The following PRSS12 variants were observed in gnomAD, a reference collection of about 807,000 sequenced individuals.
PRSS12 encodes neurotrypsin.
PRSS12 carries 85 observed loss-of-function variants against 104.4 expected under a neutral mutation model. The observed-to-expected ratio is 0.81, with a 90% CI of 0.68 to 0.98. The LOEUF is 0.98. PRSS12 is among the 50% of genes least tolerant of loss of function. The pLI is 0.00. For missense variants in PRSS12, 1,141 were observed against 1,139.2 expected, an observed-to-expected ratio of 1.00 and a Z score of -0.02; for synonymous variants, 454 against 425.2, an observed-to-expected ratio of 1.07 and a Z score of -0.83.
At chr4:118,304,536 A>T (rs1345638203) in intron 8 of PRSS12, among the ~76,000 whole-genome samples, 1 of 152,010 alleles carries the variant, frequency 6.6e-6, no homozygotes, top group East Asian at 1.9e-4. Flanking sequence ...TACAATTTTT[A>T]AAATTTTTTT....
chr4:118,344,965 G>T (rs1724321127), intron 1 of PRSS12, among the ~76,000 whole-genome samples: 1 of 152,116 alleles, frequency 6.6e-6, no homozygotes, highest in South Asian at 2.1e-4. Context: ...TGATGAAATT[G>T]AAACCAAACA....
In PRSS12 at chr4:118,281,044, A is replaced by T. The variant is rs1168516190; in HGVS notation, c.*892T>A. 1.3e-5 allele frequency: 2 copies of T among 152,238 alleles called. No homozygotes were observed. The highest frequency in any genetic ancestry group is 2.4e-5 in the African/African-American group (1 of 41,430). 9.4% of individuals were successfully genotyped at this position (152,238 alleles called of 1,614,324 possible). On this transcript the variant is annotated 3_prime_UTR_variant, in exon 13 of 13. Coordinates refer to ENST00000296498, the MANE Select transcript of PRSS12 (RefSeq NM_003619.4). ...TTTGACTAGTATATTTTAAGATTGGATTGTATCAGGTTGGGCTTGGGAAAA... is the reference window on the plus strand; with the variant it reads ...TTTGACTAGTATATTTTAAGATTGGTTTGTATCAGGTTGGGCTTGGGAAAA...
At chr4:118,301,736 ATC>A (rs1743411364) in intron 8 of PRSS12, among the ~76,000 whole-genome samples, 1 of 151,956 alleles carries the variant, frequency 6.6e-6, no homozygotes, top group African/African-American at 2.4e-5. Flanking sequence ...ACTTCTACAG[ATC>A]TGTTTTTCTT....
chr4:118,335,713 T>C (rs1724048105), intron 2 of PRSS12, 62 bp from the exon 3 acceptor site: 4 of 1,479,470 alleles, frequency 2.7e-6, no homozygotes, highest in Non-Finnish European at 3.8e-6. Flanking sequence ...TATCAAAACA[T>C]TTGGATTTGA....
chr4:118,312,978 T>C, intron 7 of PRSS12: 1 of 570,324 alleles, frequency 1.8e-6, no homozygotes, highest in Non-Finnish European at 3.1e-6. Flanking sequence ...AACTTAATTT[T>C]CTAAGTAAAG....
intron 2 of PRSS12, 94 bp from the exon 3 acceptor site, chr4:118,335,745 A>G: frequency 9.0e-7 from 1 of 1,117,150 alleles, no homozygotes; most frequent in East Asian, 2.4e-5. Flanking sequence ...AGAAATCAAC[A>G]AAGATGAATA....
chr4:118,307,078 A>T (rs1459195661), intron 8 of PRSS12, among the ~76,000 whole-genome samples: 1 of 152,160 alleles, frequency 6.6e-6, no homozygotes, highest in African/African-American at 2.4e-5. Context: ...TTTTTTTTCA[A>T]ATGGAAAAAG....
At position 118,335,990 on chromosome 4, in the gene PRSS12, C is replaced by T. The variant is rs552485530; in HGVS notation, c.642-339G>A. Among the ~76,000 whole-genome samples, 7 of 152,274 alleles carry T rather than the reference C, an allele frequency of 4.6e-5. No homozygotes were observed. In the East Asian group the frequency reaches 9.7e-4, roughly 21 times the overall value. On this transcript the variant is annotated intron_variant, in intron 2 of 12. Transcript: ENST00000296498. ...AGGTGTGTCACGAGCTTCAGTGAGG[C>T]TTGGACTCCAGTCTGGGCTCAGCTA...
At chr4:118,309,251 G>A (rs1025086521) in intron 7 of PRSS12, among the ~76,000 whole-genome samples, 2 of 152,152 alleles carry the variant, frequency 1.3e-5, no homozygotes, top group African/African-American at 2.4e-5. Flanking sequence ...TACAAATGAA[G>A]GGATTTGTAA....
At position 118,281,927 on chromosome 4, in the gene PRSS12, C is replaced by T; in HGVS notation, c.*9G>A. 1.7e-6 allele frequency: 2 copies of T among 1,147,816 alleles called. No individual in the cohort carries two copies. Among genetic ancestry groups the T allele is most frequent in the Non-Finnish European group, 2.7e-6 (2 of 753,772 alleles). The allele number at this position is 1,147,816 out of a possible 1,614,324, so 71.1% of individuals were successfully genotyped here. On this transcript the variant is annotated 3_prime_UTR_variant, in exon 13 of 13. Transcript: ENST00000296498. Reference sequence around the variant, plus strand: ...TGTTTAAATGCTGCTTTGAAGTTTCCATGAAGAATTACAGTTTGGTGACAC... The same window carrying T: ...TGTTTAAATGCTGCTTTGAAGTTTCTATGAAGAATTACAGTTTGGTGACAC...
chr4:118,299,745 ATAAATAAAATAAATAAAAT>A (rs1743348868), intron 8 of PRSS12, among the ~76,000 whole-genome samples: 9 of 55,458 alleles, frequency 1.6e-4, no homozygotes, highest in African/African-American at 3.9e-4. Flanking sequence ...ATAAAATAAA[ATAAATAAAATAAATAAAAT>A]TAAATAAAAT....
At position 118,352,768 on chromosome 4, in the gene PRSS12, T is replaced by G. The variant is rs562006066; in HGVS notation, c.-48A>C. 2.5e-6 allele frequency: 4 copies of G among 1,607,516 alleles called. No homozygotes were observed. The highest frequency in any genetic ancestry group is 2.2e-5 in the East Asian group (1 of 44,570). On this transcript the variant is annotated 5_prime_UTR_variant, in exon 1 of 13. Coordinates refer to ENST00000296498, the MANE Select transcript of PRSS12 (RefSeq NM_003619.4). ...GTCCATGCTCCCCAGCTTCTCGGGCTTGGAGCGGAGAAGAGGAGGGGGCGG... is the reference window on the plus strand; with the variant it reads ...GTCCATGCTCCCCAGCTTCTCGGGCGTGGAGCGGAGAAGAGGAGGGGGCGG...
At chr4:118,325,931 A>T (rs896238082) in intron 4 of PRSS12, among the ~76,000 whole-genome samples, 1 of 152,238 alleles carries the variant, frequency 6.6e-6, no homozygotes, top group Non-Finnish European at 1.5e-5. Flanking sequence ...ATAAACACTT[A>T]CTGAACTGGT....
chr4:118,325,517 TTTTTAG>T (rs1443536618), intron 4 of PRSS12, among the ~76,000 whole-genome samples: 1 of 152,056 alleles, frequency 6.6e-6, no homozygotes, highest in Non-Finnish European at 1.5e-5. Flanking sequence ...TCTGGCTAAC[TTTTTAG>T]TTTAAGTTAA....
rs1290764781 is a variant in PRSS12, at chr4:118,280,424, A to G, written c.*1512T>C. On this transcript the variant is annotated 3_prime_UTR_variant, in exon 13 of 13. Transcript: ENST00000296498. The stretch of plus-strand genomic sequence containing the variant: ...ACAAAAGTTTTTAATGCTCTTCTGC[A>G]TTATATGCAGCATTGCAAATCTGCA... The G allele has an allele frequency of 1.3e-5, 2 of 152,284 alleles. No homozygotes were observed. The highest frequency in any genetic ancestry group is 6.5e-5 in the Admixed American group (1 of 15,294). The allele number at this position is 152,284 out of a possible 1,614,324, so 9.4% of individuals were successfully genotyped here.
intron 4 of PRSS12, among the ~76,000 whole-genome samples, chr4:118,319,899 C>T (rs765228694): frequency 3.9e-5 from 6 of 152,104 alleles, no homozygotes; most frequent in Non-Finnish European, 7.4e-5. Flanking sequence ...TGGTCTTGAA[C>T]TCCTGCACTC....
chr4:118,286,871 G>A (rs982700884), intron 11 of PRSS12, among the ~76,000 whole-genome samples: 2 of 152,060 alleles, frequency 1.3e-5, no homozygotes, highest in Non-Finnish European at 2.9e-5. Flanking sequence ...ACTCCTGCCC[G>A]TACATGCCCA....
intron 12 of PRSS12, 38 bp from the exon 13 acceptor site, chr4:118,282,281 T>A: frequency 1.9e-6 from 3 of 1,610,302 alleles, no homozygotes; most frequent in Non-Finnish European, 2.5e-6. Context: ...GCATTCCAGA[T>A]AACCATCGCA....
At position 118,313,265 on chromosome 4, in the gene PRSS12, G is replaced by A. The variant is rs1377627107; in HGVS notation, c.1425C>T (p.Cys475=). ...CAATGCTAACATCTTCGCGGTGGCT[G>A]CAGTCATGCCTTCCCCACTGTCGCC... ...CSRRQWGRHD[C]SHREDVSIAC... The change falls in exon 7 of 13, where the codon TGC becomes TGT. Residue 475 remains cysteine (C), a synonymous_variant. Coordinates refer to ENST00000296498, the MANE Select transcript of PRSS12 (RefSeq NM_003619.4). 1.9e-6 allele frequency: 3 copies of A among 1,613,998 alleles called. No homozygotes were observed. Among genetic ancestry groups the A allele is most frequent in the East Asian group, 2.2e-5 (1 of 44,868 alleles).
Sources: gnomAD v4.1 joint callset for allele counts (sites outside exome capture counted in the v4.1 genomes callset) on GRCh38, gnomAD v4.1.1 for gene constraint, MANE v1.5 for transcripts, NCBI Gene and HGNC (gene_info 2026-07-23, HGNC 2026-07-21) for gene names.